TLL1: variants seen among roughly 807,000 people sequenced by gnomAD.
TLL1 encodes the protein tolloid like 1.
TLL1 carries 49 observed loss-of-function variants against 128.2 expected under a neutral mutation model. The ratio of observed to expected loss-of-function variants is 0.38; its 90% confidence interval spans 0.30 to 0.48. The LOEUF (loss-of-function observed/expected upper bound fraction) is 0.48. Ranked by LOEUF, TLL1 falls within the 20% of genes least tolerant of loss-of-function variation. The pLI is 0.96. For synonymous variants in TLL1, 454 were observed against 418.8 expected (o/e 1.08, Z -1.03); for missense variants, 1,123 against 1,242.0 (o/e 0.90, Z 1.44).
At chr4:165,984,636 C>A (rs1736317704) in intron 1 of TLL1, among the ~76,000 whole-genome samples, 1 of 151,898 alleles carries the variant, frequency 6.6e-6, no homozygotes, top group Admixed American at 6.6e-5. Flanking sequence ...GTGTAATGAA[C>A]AAATGCTCTT....
At chr4:165,890,717 A>C (rs1325000241) in intron 1 of TLL1, among the ~76,000 whole-genome samples, 1 of 152,136 alleles carries the variant, frequency 6.6e-6, no homozygotes, top group African/African-American at 2.4e-5. Context: ...TGGCTGCCTT[A>C]ATGGGCTGGC....
At chr4:165,933,892 G>C (rs1733647892) in intron 1 of TLL1, among the ~76,000 whole-genome samples, 1 of 152,140 alleles carries the variant, frequency 6.6e-6, no homozygotes, top group African/African-American at 2.4e-5. Flanking sequence ...TGAGTCCTCT[G>C]CTGCTCCTCT....
chr4:165,978,422 C>T (rs1036950016), intron 1 of TLL1, among the ~76,000 whole-genome samples: 1 of 152,040 alleles, frequency 6.6e-6, no homozygotes. Flanking sequence ...CAGCCTTCTT[C>T]AAACATAGTA....
chr4:165,914,949 C>CA (rs1244697150), intron 1 of TLL1, among the ~76,000 whole-genome samples: 1 of 152,128 alleles, frequency 6.6e-6, no homozygotes, highest in African/African-American at 2.4e-5. Flanking sequence ...CCAAGAGATC[C>CA]ATGGAGAATT....
At chr4:165,887,674 T>G (rs1197099638) in intron 1 of TLL1, among the ~76,000 whole-genome samples, 1 of 152,168 alleles carries the variant, frequency 6.6e-6, no homozygotes, top group Non-Finnish European at 1.5e-5. Context: ...TATGCCATAT[T>G]AACTTTGAAA....
chr4:166,073,608 A>G (rs1579708734), intron 16 of TLL1, among the ~76,000 whole-genome samples: 1 of 152,182 alleles, frequency 6.6e-6, no homozygotes, highest in Admixed American at 6.6e-5. Flanking sequence ...ATATTCTTTA[A>G]AAACTGAGAT....
rs1453270181 is a variant in TLL1, at chr4:166,065,796, T to C, written c.2121T>C (p.Asn707=). 6.2e-7 allele frequency: 1 copy of C among 1,613,026 alleles called. No homozygotes were observed. The highest frequency in any genetic ancestry group is 2.2e-5 in the East Asian group (1 of 44,810). ...AAGTGATCACATCCCAGTTCAACAA[T>C]ATGAGAATTGAATTCAAATCTGACA... ...VPEVITSQFN[N]MRIEFKSDNT... The change falls in exon 16 of 21, where the codon AAT becomes AAC. Residue 707 remains asparagine, a synonymous_variant. Transcript: ENST00000061240.
At chr4:166,088,252 T>A (rs188578191) in intron 18 of TLL1, among the ~76,000 whole-genome samples, 55 of 152,084 alleles carry the variant, frequency 3.6e-4, no homozygotes, top group Non-Finnish European at 1.5e-4. Context: ...GTTGGAAATG[T>A]GCACATTCTT....
rs1182073079 is a variant in TLL1 at position 165,994,548 on chromosome 4, G to A, written c.514+15G>A. On this transcript the variant is annotated intron_variant, in intron 4 of 20. Transcript: ENST00000061240. ...AAACTTCACTGGTAAGATACTCCCAGCATGTCTGTTTTCATAAAGAAATAA... is the reference window on the plus strand; with the variant it reads ...AAACTTCACTGGTAAGATACTCCCAACATGTCTGTTTTCATAAAGAAATAA... 6.2e-7 allele frequency: 1 copy of A among 1,613,522 alleles called. No individual in the cohort carries two copies. Among genetic ancestry groups the A allele is most frequent in the Admixed American group, 1.7e-5 (1 of 59,992 alleles).
At chr4:165,970,008 A>C (rs1185969882) in intron 1 of TLL1, among the ~76,000 whole-genome samples, 1 of 152,126 alleles carries the variant, frequency 6.6e-6, no homozygotes, top group Non-Finnish European at 1.5e-5. Flanking sequence ...ACTCTAAGGA[A>C]ATTCATTAGC....
Position 165,890,212 on chromosome 4 carries a change from TGTG to T in TLL1, c.169+16141_169+16143del, listed in dbSNP as rs202234719. ...CTCTCACCATGTCCCTCTCATGACA[TGTG>T]GGGATTATGAGAACTACAATTCAAG... On this transcript the variant is annotated intron_variant, in intron 1 of 20. Coordinates refer to ENST00000061240, the MANE Select transcript of TLL1 (RefSeq NM_012464.5). Among the ~76,000 whole-genome samples the T allele has an allele frequency of 2.4e-3, 363 of 152,276 alleles. 2 individuals are homozygous for T. In the East Asian group the frequency reaches 0.043, roughly 18 times the overall value.
intron 18 of TLL1, among the ~76,000 whole-genome samples, chr4:166,081,054 C>T (rs1230386648): frequency 6.6e-6 from 1 of 152,074 alleles, no homozygotes; most frequent in African/African-American, 2.4e-5. Flanking sequence ...CTCAGTGATC[C>T]TATTTCTTCT....
intron 1 of TLL1, among the ~76,000 whole-genome samples, chr4:165,927,958 T>C (rs1405188074): frequency 6.6e-6 from 1 of 152,144 alleles, no homozygotes; most frequent in Admixed American, 6.5e-5. Flanking sequence ...CTTAGTTAAA[T>C]AGGTATGTGT....
chr4:166,049,082 G>A (rs187550309), intron 12 of TLL1, among the ~76,000 whole-genome samples: 129 of 152,280 alleles, frequency 8.5e-4, no homozygotes, highest in African/African-American at 2.8e-3. Flanking sequence ...TGCTTGCCAT[G>A]TACTGTTTCT....
At chr4:166,096,949 A>G (rs925634929) in intron 19 of TLL1, among the ~76,000 whole-genome samples, 2 of 152,104 alleles carry the variant, frequency 1.3e-5, no homozygotes, top group African/African-American at 4.8e-5. Context: ...TGGATCGTAG[A>G]GTACAGATGA....
intron 19 of TLL1, among the ~76,000 whole-genome samples, chr4:166,098,207 C>T (rs764168612): frequency 1.6e-4 from 24 of 151,764 alleles, no homozygotes; most frequent in Non-Finnish European, 2.4e-4. Context: ...TGGTAGTGAG[C>T]GCCTGTAGTG....
intron 19 of TLL1, among the ~76,000 whole-genome samples, chr4:166,094,754 T>G (rs1342708822): frequency 6.6e-6 from 1 of 152,170 alleles, no homozygotes; most frequent in African/African-American, 2.4e-5. Flanking sequence ...TTCTTTTTTC[T>G]GTTACTTTCT....
chr4:166,044,579 T>G, intron 12 of TLL1: 2 of 684,102 alleles, frequency 2.9e-6, no homozygotes, highest in Non-Finnish European at 4.7e-6. Flanking sequence ...CATTTTTTTT[T>G]TGTACTTTTG....
intron 14 of TLL1, among the ~76,000 whole-genome samples, chr4:166,058,621 AT>A (rs1332696330): frequency 6.6e-6 from 1 of 152,100 alleles, no homozygotes; most frequent in Non-Finnish European, 1.5e-5. Flanking sequence ...CCATACCGCT[AT>A]TACAGGCAGG....
Sources: allele counts gnomAD v4.1 joint callset (sites outside exome capture counted in the v4.1 genomes callset), GRCh38; gene constraint gnomAD v4.1.1; transcripts MANE v1.5; gene names NCBI Gene and HGNC (gene_info 2026-07-23, HGNC 2026-07-21).